Variants in CAMTA1 observed in about 807,000 individuals in gnomAD.
The protein encoded by CAMTA1 is calmodulin binding transcription activator 1, also known as calmodulin-binding transcription activator 1.
CAMTA1 carries 27 observed loss-of-function variants against 170.9 expected under a neutral mutation model. That is an observed-to-expected ratio of 0.16 (90% CI 0.12 to 0.22). The LOEUF (loss-of-function observed/expected upper bound fraction) is 0.22. Among genes scored for constraint, CAMTA1 ranks in the 10% least tolerant of loss-of-function variants. CAMTA1 has a pLI of 1.00. For missense variants in CAMTA1, 1,619 were observed against 2,217.2 expected (o/e 0.73, Z 5.42); for synonymous variants, 833 against 891.5 (o/e 0.93, Z 1.17).
chr1:6,914,845 G>T (rs1207023810), intron 3 of CAMTA1, among the ~76,000 whole-genome samples: 1 of 152,190 alleles, frequency 6.6e-6, no homozygotes, highest in Non-Finnish European at 1.5e-5. Flanking sequence ...ACACGTTTTT[G>T]TCTCCATCTG....
In CAMTA1 at chr1:7,239,535, T is replaced by C. The variant is rs149307282; in HGVS notation, c.303-9956T>C. ...CTTCCATAGTCTGGATTTTGCTGAC[T>C]GTATCCCCATGGCATCATTTACGAT... is the stretch of plus-strand genomic sequence containing the variant. On this transcript the variant is annotated intron_variant, in intron 4 of 22. Transcript: ENST00000303635. 4.9e-3 allele frequency among the ~76,000 whole-genome samples: 752 copies of C among 152,198 alleles called. 15 individuals carry two copies. The highest frequency in any genetic ancestry group is 0.038 in the Admixed American group (588 of 15,274).
rs79345532 is a variant in CAMTA1 at position 7,381,106 on chromosome 1, C to T, written c.439-86724C>T. Among the ~76,000 whole-genome samples, 126 of 152,086 alleles carry T rather than the reference C, an allele frequency of 8.3e-4. 1 individual carries two copies. The highest frequency in any genetic ancestry group is 1.5e-3 in the Non-Finnish European group (100 of 67,986). On this transcript the variant is annotated intron_variant, in intron 5 of 22. Coordinates refer to ENST00000303635, the MANE Select transcript of CAMTA1 (RefSeq NM_015215.4). ...CAAGTGACCGAAAACATCATAATAG[C>T]GGTGACTTAAATAAGACGGTTTGAT...
At chr1:7,632,894 C>A (rs1054346664) in intron 6 of CAMTA1, among the ~76,000 whole-genome samples, 2 of 152,254 alleles carry the variant, frequency 1.3e-5, no homozygotes, top group Admixed American at 6.5e-5. Context: ...CAGAGCTCAG[C>A]TCCCCTCTGC....
chr1:6,993,404 G>T (rs1378024036), intron 3 of CAMTA1, among the ~76,000 whole-genome samples: 1 of 151,972 alleles, frequency 6.6e-6, no homozygotes, highest in Non-Finnish European at 1.5e-5. Flanking sequence ...TCAGTGTGGA[G>T]ATTTTGCACA....
At chr1:7,367,626 C>T (rs1219481945) in intron 5 of CAMTA1, among the ~76,000 whole-genome samples, 1 of 152,256 alleles carries the variant, frequency 6.6e-6, no homozygotes, top group Non-Finnish European at 1.5e-5. Flanking sequence ...CCTCTGCACT[C>T]TCCTGGTATT....
At chr1:6,893,639 G>A (rs1287424738) in intron 3 of CAMTA1, among the ~76,000 whole-genome samples, 2 of 152,242 alleles carry the variant, frequency 1.3e-5, no homozygotes, top group Admixed American at 6.5e-5. Flanking sequence ...ATGTTCCATC[G>A]GGCTTCTGCA....
intron 5 of CAMTA1, among the ~76,000 whole-genome samples, chr1:7,398,851 T>A (rs1306695668): frequency 6.6e-6 from 1 of 152,180 alleles, no homozygotes; most frequent in Non-Finnish European, 1.5e-5. Context: ...ACATTAACAA[T>A]CTTAGAGTTA....
intron 6 of CAMTA1, among the ~76,000 whole-genome samples, chr1:7,636,803 A>C (rs2095715919): frequency 6.6e-6 from 1 of 152,262 alleles, no homozygotes; most frequent in Middle Eastern, 3.4e-3. Flanking sequence ...GGGCACAAGC[A>C]GGAGGTCAGA....
intron 6 of CAMTA1, among the ~76,000 whole-genome samples, chr1:7,549,510 C>A (rs1342870315): frequency 6.6e-6 from 1 of 152,154 alleles, no homozygotes; most frequent in Admixed American, 6.5e-5. Flanking sequence ...TGACTCATTT[C>A]CTCTCCAATG....
At chr1:7,488,662 T>C (rs959994568) in intron 6 of CAMTA1, among the ~76,000 whole-genome samples, 4 of 152,078 alleles carry the variant, frequency 2.6e-5, no homozygotes, top group African/African-American at 7.2e-5. Flanking sequence ...TGTGCACACA[T>C]ATAAACACTT....
chr1:7,171,066 A>G (rs1649496085), intron 4 of CAMTA1, among the ~76,000 whole-genome samples: 1 of 152,124 alleles, frequency 6.6e-6, no homozygotes, highest in South Asian at 2.1e-4. Flanking sequence ...CTCCCCTTTT[A>G]ATGGTGGATT....
rs1409129374 is a variant in CAMTA1, at chr1:6,961,430, G to C, written c.235-129874G>C. On this transcript the variant is annotated intron_variant, in intron 3 of 22. Transcript: ENST00000303635. ...TGACCGTGTAGGGAATTGGGGTGCT[G>C]GTAAGACCTTGGGTGCTGGGCCGGC... 2.6e-5 allele frequency among the ~76,000 whole-genome samples: 4 copies of C among 152,014 alleles called. No individual in the cohort carries two copies. The East Asian group carries it at 7.7e-4, about 29-fold the overall frequency.
At chr1:7,285,280 A>G (rs1672194040) in intron 5 of CAMTA1, among the ~76,000 whole-genome samples, 2 of 152,166 alleles carry the variant, frequency 1.3e-5, no homozygotes, top group Admixed American at 1.3e-4. Context: ...AATCCTTGTC[A>G]GGTAATTACA....
rs141106866 is a variant in CAMTA1, at chr1:6,859,792, AAAAAG to A, written c.234+34596_234+34600del. Among the ~76,000 whole-genome samples the A allele has an allele frequency of 1.2e-3, 185 of 152,338 alleles. 3 individuals carry two copies. In the East Asian group the frequency reaches 0.034, roughly 28 times the overall value. On this transcript the variant is annotated intron_variant, in intron 3 of 22. Transcript: ENST00000303635. The stretch of plus-strand genomic sequence containing the variant: ...CAACAGAGTAAGTCCGTGTCTCAAA[AAAAAG>A]AAAAGAAAAGAAATGTTGTAGAATA...
chr1:7,248,205 G>A lies in CAMTA1; in HGVS notation c.303-1286G>A, dbSNP rs1435684145. 3.9e-5 allele frequency among the ~76,000 whole-genome samples: 6 copies of A among 152,252 alleles called. No homozygotes were observed. The highest frequency in any genetic ancestry group is 2.0e-4 in the Admixed American group (3 of 15,296). Reference sequence around the variant, plus strand: ...CCATCAACAGCCAATGTTCTGTGCTGCTTGTGAAATGGCCCATTGTTCGTA... The same window carrying A: ...CCATCAACAGCCAATGTTCTGTGCTACTTGTGAAATGGCCCATTGTTCGTA... On this transcript the variant is annotated intron_variant, in intron 4 of 22. Coordinates refer to ENST00000303635, the MANE Select transcript of CAMTA1 (RefSeq NM_015215.4). This position sits in a 1 kb window ranked among gnomAD's most constrained non-coding sequence, Gnocchi z 4.0.
chr1:6,815,451 G>A (rs1458373413), intron 1 of CAMTA1, among the ~76,000 whole-genome samples: 1 of 152,094 alleles, frequency 6.6e-6, no homozygotes, highest in Non-Finnish European at 1.5e-5. Context: ...CAGTCCTCTC[G>A]CCTTGGCCTT....
chr1:7,710,302 A>AT (rs1453431899), intron 11 of CAMTA1, among the ~76,000 whole-genome samples: 1 of 152,192 alleles, frequency 6.6e-6, no homozygotes, highest in Non-Finnish European at 1.5e-5. Context: ...ACTGGCTTAC[A>AT]TAAAAAAGGG....
At chr1:7,434,289 C>G (rs888850984) in intron 5 of CAMTA1, among the ~76,000 whole-genome samples, 2 of 152,208 alleles carry the variant, frequency 1.3e-5, no homozygotes, top group African/African-American at 4.8e-5. Flanking sequence ...ATACAGGAGC[C>G]ACGGGGAGCA....
At chr1:6,898,283 G>A (rs1446399994) in intron 3 of CAMTA1, among the ~76,000 whole-genome samples, 1 of 152,190 alleles carries the variant, frequency 6.6e-6, no homozygotes, top group Non-Finnish European at 1.5e-5. Context: ...GCCGGGCACG[G>A]TGGCTCAAAC....
Sources: gnomAD v4.1 joint callset for allele counts (sites outside exome capture counted in the v4.1 genomes callset) on GRCh38, gnomAD v4.1.1 for gene constraint, Gnocchi (gnomAD v3.1) non-coding constraint, MANE v1.5 for transcripts, NCBI Gene and HGNC (gene_info 2026-07-23, HGNC 2026-07-21) for gene names.